The following KLHL14 variants were observed in gnomAD, a reference collection of about 807,000 sequenced individuals.
KLHL14 encodes the protein kelch-like protein 14.
KLHL14 carries 22 observed loss-of-function variants against 64.3 expected under a neutral mutation model. The observed-to-expected ratio is 0.34, with a 90% CI of 0.24 to 0.49. The LOEUF (loss-of-function observed/expected upper bound fraction) is 0.49. KLHL14 is among the 20% of genes least tolerant of loss of function. KLHL14 has a pLI of 0.99. For synonymous variants in KLHL14, 322 were observed against 333.4 expected (o/e 0.97, Z 0.37); for missense variants, 661 against 789.0 (o/e 0.84, Z 1.94).
chr18:32,688,956 G>T lies in KLHL14; in HGVS notation c.1160-1723C>A, dbSNP rs189935940. 5.3e-5 allele frequency among the ~76,000 whole-genome samples: 8 copies of T among 152,250 alleles called. No individual in the cohort carries two copies. The East Asian group carries it at 1.5e-3, about 29-fold the overall frequency. On this transcript the variant is annotated intron_variant, in intron 4 of 8. Coordinates refer to ENST00000359358, the MANE Select transcript of KLHL14 (RefSeq NM_020805.3). ...GTTTTAAATCTGTTGTGCAGGCATAGCCAAATAAAATTTCCTGAGGGCTTG... is the reference window on the plus strand; with the variant it reads ...GTTTTAAATCTGTTGTGCAGGCATATCCAAATAAAATTTCCTGAGGGCTTG...
chr18:32,725,422 T>G (rs1273520305), intron 3 of KLHL14, among the ~76,000 whole-genome samples: 1 of 152,198 alleles, frequency 6.6e-6, no homozygotes, highest in Non-Finnish European at 1.5e-5. Flanking sequence ...AAAGAGAGTT[T>G]TAAGCAGAAA....
At chr18:32,760,897 C>T (rs899759023) in intron 2 of KLHL14, among the ~76,000 whole-genome samples, 1 of 152,118 alleles carries the variant, frequency 6.6e-6, no homozygotes. Context: ...CTTCTGATGC[C>T]CTTGGTTTCA....
chr18:32,696,051 A>G (rs1440559943), intron 3 of KLHL14, among the ~76,000 whole-genome samples: 1 of 152,182 alleles, frequency 6.6e-6, no homozygotes, highest in Non-Finnish European at 1.5e-5. Flanking sequence ...AACAAGCTGA[A>G]TTTCCATACA....
At chr18:32,736,885 G>A (rs2050169074) in intron 3 of KLHL14, among the ~76,000 whole-genome samples, 1 of 151,918 alleles carries the variant, frequency 6.6e-6, no homozygotes, top group South Asian at 2.1e-4. Flanking sequence ...TCATTTTTGT[G>A]TTCCCATAGC....
At chr18:32,704,883 G>GAA (rs1399062139) in intron 3 of KLHL14, among the ~76,000 whole-genome samples, 2 of 152,138 alleles carry the variant, frequency 1.3e-5, no homozygotes, top group Admixed American at 1.3e-4. Flanking sequence ...GAGAGAGAGA[G>GAA]AACATGAGAA....
In KLHL14 at chr18:32,693,411, CACAGAG is replaced by C. The variant is rs1484341934; in HGVS notation, c.1159+2046_1159+2051del. ...ACACACACACACACACACACACACA[CACAGAG>C]AGAGAGAGAGAGAGAGAGAGAGAGA... On this transcript the variant is annotated intron_variant, in intron 4 of 8. Transcript: ENST00000359358. 7.1e-3 allele frequency among the ~76,000 whole-genome samples: 806 copies of C among 112,870 alleles called. 1 individual carries two copies. The highest frequency in any genetic ancestry group is 0.011 in the Non-Finnish European group (607 of 55,966). 74.0% of individuals were successfully genotyped at this position (112,870 alleles called of 152,430 possible). A position where few individuals can be genotyped will look rare whatever the true frequency, so the allele number is the denominator to read the frequency against.
intron 5 of KLHL14, among the ~76,000 whole-genome samples, chr18:32,685,405 A>G (rs1003999299): frequency 6.6e-6 from 1 of 152,210 alleles, no homozygotes; most frequent in Admixed American, 6.5e-5. Flanking sequence ...CACGGTGTAC[A>G]GCCCCCAGCA....
At chr18:32,719,017 T>C (rs9954691) in intron 3 of KLHL14, among the ~76,000 whole-genome samples, 44,478 of 152,054 alleles carry the variant, frequency 0.29, 6,748 homozygotes, top group African/African-American at 0.36. Flanking sequence ...GGCACAATCT[T>C]GGCTCACCAC....
rs575856187 is a variant in KLHL14 at position 32,735,181 on chromosome 18, G to A, written c.1069+6747C>T. Among the ~76,000 whole-genome samples, 5 of 152,244 alleles carry A rather than the reference G, an allele frequency of 3.3e-5. No individual in the cohort carries two copies. The East Asian group carries it at 5.8e-4, about 18-fold the overall frequency. ...AGATTTTCGTGGGTGAAATGGGTCAGCACAGATTAAATTCCATTCATCTGC... is the reference window on the plus strand; with the variant it reads ...AGATTTTCGTGGGTGAAATGGGTCAACACAGATTAAATTCCATTCATCTGC... On this transcript the variant is annotated intron_variant, in intron 3 of 8. Coordinates refer to ENST00000359358, the MANE Select transcript of KLHL14 (RefSeq NM_020805.3).
chr18:32,698,201 A>C (rs1162421390), intron 3 of KLHL14, among the ~76,000 whole-genome samples: 2 of 152,282 alleles, frequency 1.3e-5, no homozygotes, highest in East Asian at 3.9e-4. Context: ...TACTGTACTT[A>C]TTGATTTTCT....
chr18:32,718,747 A>C lies in KLHL14; in HGVS notation c.1069+23181T>G, dbSNP rs28672826. 7.2e-3 allele frequency among the ~76,000 whole-genome samples: 1,096 copies of C among 152,346 alleles called. 15 individuals carry two copies. Among genetic ancestry groups the C allele is most frequent in the African/African-American group, 0.025 (1,052 of 41,576 alleles). ...TCTTTTGATTTATGACACTAATCAG[A>C]GTTTAAAAAATAGTTTCAACATTTT... On this transcript the variant is annotated intron_variant, in intron 3 of 8. Coordinates refer to ENST00000359358, the MANE Select transcript of KLHL14 (RefSeq NM_020805.3).
At chr18:32,725,746 A>G (rs1454070990) in intron 3 of KLHL14, among the ~76,000 whole-genome samples, 1 of 152,194 alleles carries the variant, frequency 6.6e-6, no homozygotes, top group African/African-American at 2.4e-5. Flanking sequence ...CTGCCTCTCA[A>G]GTTAAAGATG....
At position 32,672,998 on chromosome 18, in the gene KLHL14, AT is replaced by A. The variant is rs762013362; in HGVS notation, c.*1658del. On this transcript the variant is annotated 3_prime_UTR_variant, in exon 9 of 9. Transcript: ENST00000359358. ...CATTCTATTCATGATGTCAGCTGAG[AT>A]TTTCCCACAGAGTACTGTAACTTTT... is the stretch of plus-strand genomic sequence containing the variant. 2.0e-5 allele frequency: 3 copies of A among 152,506 alleles called. No individual in the cohort carries two copies. Among genetic ancestry groups the A allele is most frequent in the Non-Finnish European group, 2.9e-5 (2 of 67,998 alleles). The allele number at this position is 152,506 out of a possible 1,614,324, so 9.4% of individuals were successfully genotyped here. A position where few individuals can be genotyped will look rare whatever the true frequency, so the allele number is the denominator to read the frequency against.
intron 4 of KLHL14, among the ~76,000 whole-genome samples, chr18:32,694,854 G>T (rs1165644898): frequency 5.3e-5 from 8 of 152,122 alleles, no homozygotes; most frequent in African/African-American, 1.4e-4. Context: ...CAAGCCACAG[G>T]GTTCTTGTGT....
At chr18:32,714,319 G>A (rs1339576678) in intron 3 of KLHL14, among the ~76,000 whole-genome samples, 2 of 152,078 alleles carry the variant, frequency 1.3e-5, no homozygotes, top group African/African-American at 2.4e-5. Flanking sequence ...CACAGCTTTG[G>A]TGATTATTTA....
chr18:32,743,885 A>T (rs1027714822), intron 2 of KLHL14: 2 of 152,094 alleles, frequency 1.3e-5, no homozygotes, highest in Admixed American at 1.3e-4. Context: ...TTTTTTTCTT[A>T]TTGTAGTTTT....
Position 32,770,154 on chromosome 18 carries a change from G to A in KLHL14, c.438C>T (p.Asn146=). ...CCACCGTGTCCAGGGACAGGGTCACGTTGGCCGTGTAGAGGTACTCGAGCA... is the reference window on the plus strand; with the variant it reads ...CCACCGTGTCCAGGGACAGGGTCACATTGGCCGTGTAGAGGTACTCGAGCA... ...RLVLEYLYTA[N]VTLSLDTVEE... The change falls in exon 2 of 9, where the codon AAC becomes AAT. Residue 146 remains asparagine (N), a synonymous_variant. Coordinates refer to ENST00000359358, the MANE Select transcript of KLHL14 (RefSeq NM_020805.3). This position sits in a 1 kb window ranked among gnomAD's most constrained non-coding sequence, Gnocchi z 6.7. The A allele has an allele frequency of 1.2e-6, 2 of 1,614,158 alleles. No homozygotes were observed. Among genetic ancestry groups the A allele is most frequent in the East Asian group, 2.2e-5 (1 of 44,862 alleles).
At chr18:32,691,294 T>G (rs2049906401) in intron 4 of KLHL14, among the ~76,000 whole-genome samples, 1 of 152,132 alleles carries the variant, frequency 6.6e-6, no homozygotes, top group African/African-American at 2.4e-5. Flanking sequence ...CTTGTTGTAA[T>G]GGTAGTGGCC....
chr18:32,752,264 C>CT (rs915485056), intron 2 of KLHL14, among the ~76,000 whole-genome samples: 2 of 152,110 alleles, frequency 1.3e-5, no homozygotes, highest in African/African-American at 2.4e-5. Flanking sequence ...TCTTTATATT[C>CT]TTTTTTTTCC....
Sources: allele counts gnomAD v4.1 joint callset (sites outside exome capture counted in the v4.1 genomes callset), GRCh38; gene constraint gnomAD v4.1.1; non-coding constraint Gnocchi (gnomAD v3.1); transcripts MANE v1.5; gene names NCBI Gene and HGNC (gene_info 2026-07-23, HGNC 2026-07-21).